The following DNAH11 variants were observed in gnomAD, a reference collection of about 807,000 sequenced individuals.
The protein encoded by DNAH11 is dynein axonemal heavy chain 11, also known as axonemal beta dynein heavy chain 11.
Under a neutral mutation model 526.0 loss-of-function variants are expected in DNAH11, and 442 were observed. That is an observed-to-expected ratio of 0.84 (90% CI 0.78 to 0.91). DNAH11 has a LOEUF of 0.91. Ranked by LOEUF, DNAH11 falls within the 40% of genes least tolerant of loss-of-function variation. The pLI is 0.00. For synonymous variants in DNAH11, 2,461 were observed against 1,935.9 expected (o/e 1.27, Z -7.12); for missense variants, 6,989 against 5,448.7 (o/e 1.28, Z -8.90).
chr7:21,703,637 A>G (rs1036777464), intron 37 of DNAH11: 3 of 152,192 alleles, frequency 2.0e-5, no homozygotes, highest in Admixed American at 6.5e-5. Context: ...TGATGATCCA[A>G]TCACCTCCCA....
intron 56 of DNAH11, among the ~76,000 whole-genome samples, chr7:21,774,652 G>A (rs781098474): frequency 2.0e-5 from 3 of 152,142 alleles, no homozygotes; most frequent in South Asian, 2.1e-4. Flanking sequence ...TATATGAGGC[G>A]TAAAGAGTTT....
chr7:21,775,991 G>A (rs947293033), intron 56 of DNAH11, among the ~76,000 whole-genome samples: 1 of 152,188 alleles, frequency 6.6e-6, no homozygotes, highest in Non-Finnish European at 1.5e-5. Context: ...AAAAGCAAGT[G>A]GGGTACCATC....
Position 21,621,127 on chromosome 7 carries a change from G to A in DNAH11, c.4500+1049G>A, listed in dbSNP as rs557775987. Among the ~76,000 whole-genome samples the A allele has an allele frequency of 2.0e-4, 31 of 152,178 alleles. No individual in the cohort carries two copies. The East Asian group carries it at 5.6e-3, about 27-fold the overall frequency. On this transcript the variant is annotated intron_variant, in intron 25 of 81. Coordinates refer to ENST00000409508, the MANE Select transcript of DNAH11 (RefSeq NM_001277115.2). ...ATGGTATTTCTAGTTCTAGATCCCTGAGGAATCGCCACACTGACTTCCACA... is the reference window on the plus strand; with the variant it reads ...ATGGTATTTCTAGTTCTAGATCCCTAAGGAATCGCCACACTGACTTCCACA...
At chr7:21,690,906 G>A (rs752960828) in intron 35 of DNAH11, 25 bp downstream of exon 35, 1 of 1,544,092 alleles carries the variant, frequency 6.5e-7, no homozygotes, top group South Asian at 1.1e-5. Flanking sequence ...TTGTGGCTTA[G>A]CATCTGGTGC....
chr7:21,584,742 C>G (rs1453567993), intron 9 of DNAH11, among the ~76,000 whole-genome samples: 1 of 152,076 alleles, frequency 6.6e-6, no homozygotes, highest in Non-Finnish European at 1.5e-5. Flanking sequence ...ACTATTTTTT[C>G]TTTGTCTAGA....
chr7:21,611,440 C>T (rs1311298649), intron 20 of DNAH11, among the ~76,000 whole-genome samples: 1 of 152,138 alleles, frequency 6.6e-6, no homozygotes, highest in Non-Finnish European at 1.5e-5. Context: ...CCTTCATAAT[C>T]GTGTGAGCCA....
chr7:21,594,406 C>T (rs569519565), intron 14 of DNAH11, among the ~76,000 whole-genome samples: 2 of 152,238 alleles, frequency 1.3e-5, no homozygotes, highest in South Asian at 4.1e-4. Flanking sequence ...GCAGAGCAGA[C>T]AAAGTTCCTT....
chr7:21,570,137 G>C lies in DNAH11; in HGVS notation c.1263G>C (p.Gln421His). ...TAGAAGAGTCACTGGAAAAGGTGCA[G>C]GTGGCTGTTAACATCTTAAAGACTT... ...GEIEESLEKV[Q>H]VAVNILKTFK... The change falls in exon 7 of 82, where the codon CAG (glutamine) becomes CAC (histidine). Residue 421 changes from glutamine to histidine, a missense_variant. Transcript: ENST00000409508. 4 of 1,613,250 alleles carry C rather than the reference G, an allele frequency of 2.5e-6. No homozygotes were observed. The highest frequency in any genetic ancestry group is 3.4e-6 in the Non-Finnish European group (4 of 1,179,638).
At chr7:21,758,080 C>T (rs560430545) in intron 54 of DNAH11, among the ~76,000 whole-genome samples, 1 of 152,338 alleles carries the variant, frequency 6.6e-6, no homozygotes, top group African/African-American at 2.4e-5. Flanking sequence ...CATTCTGACA[C>T]ATGCACTAAT....
intron 34 of DNAH11, among the ~76,000 whole-genome samples, chr7:21,689,093 CGT>C (rs1562491403): frequency 6.6e-6 from 1 of 152,190 alleles, no homozygotes; most frequent in Non-Finnish European, 1.5e-5. Flanking sequence ...CCTTCTGCCA[CGT>C]GGGCCTTGGG....
chr7:21,575,541 G>A (rs1288238658), intron 8 of DNAH11, among the ~76,000 whole-genome samples: 1 of 152,024 alleles, frequency 6.6e-6, no homozygotes, highest in African/African-American at 2.4e-5. Context: ...ATCTTTATTA[G>A]TCATACACAG....
intron 66 of DNAH11, 45 bp from the exon 67 acceptor site, chr7:21,852,422 A>AAC (rs1262790483): frequency 6.4e-7 from 1 of 1,555,062 alleles, no homozygotes; most frequent in East Asian, 2.3e-5. Flanking sequence ...AAAAAAAAAA[A>AAC]AGTACTTAAC....
chr7:21,598,354 C>G (rs1784943833), intron 14 of DNAH11, among the ~76,000 whole-genome samples: 2 of 152,106 alleles, frequency 1.3e-5, no homozygotes, highest in African/African-American at 4.8e-5. Context: ...AAACCTGTGT[C>G]TCTAGGCAAG....
chr7:21,816,318 A>T, intron 63 of DNAH11, 149 bp from the exon 64 acceptor site: 1 of 640,644 alleles, frequency 1.6e-6, no homozygotes, highest in Non-Finnish European at 2.8e-6. Flanking sequence ...GCATCTAATG[A>T]TGAGTTGTGT....
At chr7:21,744,319 T>A in intron 49 of DNAH11, 119 bp from the exon 50 acceptor site, 1 of 1,093,940 alleles carries the variant, frequency 9.1e-7, no homozygotes, top group Non-Finnish European at 1.3e-6. Context: ...CACATTACTA[T>A]TGATGATATT....
At chr7:21,871,183 T>G (rs1040801524) in intron 73 of DNAH11, among the ~76,000 whole-genome samples, 2 of 152,172 alleles carry the variant, frequency 1.3e-5, no homozygotes, top group East Asian at 3.9e-4. Context: ...AAAACTATTA[T>G]AAAAGTAGCA....
rs144045436 is a variant in DNAH11, at chr7:21,676,986, G to T, written c.5329-4560G>T. On this transcript the variant is annotated intron_variant, in intron 30 of 81. Transcript: ENST00000409508. ...GCACCCACACTCTGACAGTTCTTCA[G>T]TGGCTCTGGGAAAAGGCATCGAATA... Among the ~76,000 whole-genome samples the T allele has an allele frequency of 4.7e-3, 717 of 152,326 alleles. 4 individuals are homozygous for T. Among genetic ancestry groups the T allele is most frequent in the African/African-American group, 0.017 (686 of 41,574 alleles).
intron 66 of DNAH11, among the ~76,000 whole-genome samples, chr7:21,850,352 C>T (rs1298224078): frequency 2.7e-5 from 2 of 74,364 alleles, no homozygotes; most frequent in African/African-American, 1.1e-4. Context: ...GAGACTCTGT[C>T]TCAAAAAAAA....
chr7:21,744,718 A>G (rs1786066192), intron 50 of DNAH11, 119 bp downstream of exon 50: 2 of 1,439,974 alleles, frequency 1.4e-6, no homozygotes, highest in African/African-American at 2.9e-5. Flanking sequence ...AATGGCTGTG[A>G]ATCCAGAATA....
Sources: gnomAD v4.1 joint callset for allele counts (sites outside exome capture counted in the v4.1 genomes callset) on GRCh38, gnomAD v4.1.1 for gene constraint, MANE v1.5 for transcripts, NCBI Gene and HGNC (gene_info 2026-07-23, HGNC 2026-07-21) for gene names.